The following OPTN variants were observed in gnomAD, a reference collection of about 807,000 sequenced individuals.
The protein encoded by OPTN is E3-14.7K-interacting protein.
OPTN carries 54 observed loss-of-function variants against 70.4 expected under a neutral mutation model. That is an observed-to-expected ratio of 0.77 (90% CI 0.62 to 0.96). The LOEUF (loss-of-function observed/expected upper bound fraction) is 0.96, where lower values mean the gene tolerates loss of function less well. Among genes scored for constraint, OPTN ranks in the 40% least tolerant of loss-of-function variants. The pLI is 0.00. For missense variants in OPTN, 624 were observed against 673.2 expected, an observed-to-expected ratio of 0.93 and a Z score of 0.81; for synonymous variants, 256 against 248.5, an observed-to-expected ratio of 1.03 and a Z score of -0.28.
intron 5 of OPTN, among the ~76,000 whole-genome samples, chr10:13,114,803 C>T (rs373818569): frequency 0.15 from 2,439 of 16,554 alleles, 247 homozygotes; most frequent in African/African-American, 0.24. Context: ...ATTATATATA[C>T]ATATATATAA....
chr10:13,129,081 G>C (rs1270918706), intron 12 of OPTN, among the ~76,000 whole-genome samples: 1 of 152,044 alleles, frequency 6.6e-6, no homozygotes, highest in Non-Finnish European at 1.5e-5. Context: ...TAAAAATTTT[G>C]TTGTCTTACC....
chr10:13,111,543 C>CA (rs1698848034), intron 4 of OPTN, among the ~76,000 whole-genome samples: 1 of 151,534 alleles, frequency 6.6e-6, no homozygotes, highest in Non-Finnish European at 1.5e-5. Context: ...ACTAAAAATA[C>CA]AAAAATTAGC....
At chr10:13,121,862 T>C (rs1412909457) in intron 7 of OPTN, among the ~76,000 whole-genome samples, 1 of 152,230 alleles carries the variant, frequency 6.6e-6, no homozygotes, top group Admixed American at 6.5e-5. Flanking sequence ...ATTGCATGCA[T>C]CTGTTCAACC....
chr10:13,114,779 T>TATATAATTATATAATTATATATACGTAC (rs1564358654), intron 5 of OPTN, among the ~76,000 whole-genome samples: 18 of 100,476 alleles, frequency 1.8e-4, no homozygotes, highest in South Asian at 1.2e-3. Flanking sequence ...ATTATATAAT[T>TATATAATTATATAATTATATATACGTAC]ATATAATTAT....
At chr10:13,119,547 T>C (rs1833296561) in intron 7 of OPTN, among the ~76,000 whole-genome samples, 1 of 152,220 alleles carries the variant, frequency 6.6e-6, no homozygotes, top group South Asian at 2.1e-4. Flanking sequence ...ATATGTGTTT[T>C]TAATTCTCTG....
chr10:13,136,293 A>G (rs1053598361), intron 14 of OPTN, among the ~76,000 whole-genome samples: 1 of 152,130 alleles, frequency 6.6e-6, no homozygotes, highest in Admixed American at 6.6e-5. Flanking sequence ...GCAGATCATG[A>G]GGTCAGGAGT....
intron 12 of OPTN, among the ~76,000 whole-genome samples, chr10:13,128,783 T>C (rs1182178730): frequency 6.6e-6 from 1 of 152,006 alleles, no homozygotes; most frequent in East Asian, 1.9e-4. Context: ...CCTCAGGTGA[T>C]CCACCCACTT....
In OPTN at chr10:13,115,094, T is replaced by G. The variant is rs1441253077; in HGVS notation, c.553-1173T>G. 6.3e-4 allele frequency among the ~76,000 whole-genome samples: 57 copies of G among 90,558 alleles called. 1 individual carries two copies. The highest frequency in any genetic ancestry group is 8.2e-4 in the African/African-American group (17 of 20,784). The allele number at this position is 90,558 out of a possible 152,430, so 59.4% of individuals were successfully genotyped here. On this transcript the variant is annotated intron_variant, in intron 5 of 14. Transcript: ENST00000378747. ...ATTTATATATATAGATATATCTATT[T>G]TATATATTTTTATATATATTATATA...
At chr10:13,120,570 CAAA>C (rs757531804) in intron 7 of OPTN, among the ~76,000 whole-genome samples, 7 of 75,396 alleles carry the variant, frequency 9.3e-5, no homozygotes, top group Admixed American at 1.5e-4. Context: ...GACTCTGTCT[CAAA>C]AAAAAAAAAA....
chr10:13,105,967 C>G (rs763491515), intron 1 of OPTN, among the ~76,000 whole-genome samples: 1 of 151,998 alleles, frequency 6.6e-6, no homozygotes, highest in Non-Finnish European at 1.5e-5. Context: ...AGAAACGTCT[C>G]TCTCTTTTCT....
intron 1 of OPTN, chr10:13,104,537 G>A (rs1832822600): frequency 1.8e-6 from 1 of 542,834 alleles, no homozygotes; most frequent in African/African-American, 1.9e-5. Flanking sequence ...TATGGAGAGA[G>A]GACATGGGTT....
chr10:13,110,221 A>G, intron 3 of OPTN, 53 bp from the exon 4 acceptor site: 1 of 1,602,024 alleles, frequency 6.2e-7, no homozygotes, highest in Non-Finnish European at 8.5e-7. Context: ...TTGGTTCATC[A>G]GATCAAGTCC....
chr10:13,103,524 C>G (rs994176034), intron 1 of OPTN, among the ~76,000 whole-genome samples: 3 of 152,194 alleles, frequency 2.0e-5, no homozygotes, highest in African/African-American at 7.2e-5. Flanking sequence ...ACAGTGCCTG[C>G]TAAGGTCACT....
chr10:13,136,074 C>T (rs1833692279), intron 14 of OPTN, among the ~76,000 whole-genome samples: 1 of 152,068 alleles, frequency 6.6e-6, no homozygotes, highest in Non-Finnish European at 1.5e-5. Flanking sequence ...GTAGTCGCAG[C>T]TATTCAGGAG....
At chr10:13,104,610 C>T in intron 1 of OPTN, 1 of 674,244 alleles carries the variant, frequency 1.5e-6, no homozygotes, top group Non-Finnish European at 2.8e-6. Context: ...ATACTGTTTC[C>T]TCGTATTACC....
intron 5 of OPTN, among the ~76,000 whole-genome samples, chr10:13,115,444 A>C (rs1255377716): frequency 9.8e-6 from 1 of 102,228 alleles, no homozygotes; most frequent in African/African-American, 4.6e-5. Context: ...GAATATATAT[A>C]ATATATTCTA....
chr10:13,121,500 TAAAAAAAAAAA>T (rs200687404), intron 7 of OPTN, among the ~76,000 whole-genome samples: 96 of 90,870 alleles, frequency 1.1e-3, no homozygotes, highest in Middle Eastern at 0.011. Context: ...GATTATCCTG[TAAAAAAAAAAA>T]AAAAAAAAAA....
intron 5 of OPTN, among the ~76,000 whole-genome samples, chr10:13,114,444 C>T (rs994215762): frequency 2.0e-5 from 3 of 151,988 alleles, no homozygotes; most frequent in Non-Finnish European, 2.9e-5. Flanking sequence ...GGAAACCCAA[C>T]AGCATATGAG....
chr10:13,115,365 T>A (rs1401052040), intron 5 of OPTN, among the ~76,000 whole-genome samples: 2 of 104,936 alleles, frequency 1.9e-5, no homozygotes, highest in African/African-American at 7.7e-5. Context: ...ATAATATATA[T>A]ACACTTATAT....
Sources: allele counts gnomAD v4.1 joint callset (sites outside exome capture counted in the v4.1 genomes callset), GRCh38; gene constraint gnomAD v4.1.1; transcripts MANE v1.5; gene names NCBI Gene and HGNC (gene_info 2026-07-23, HGNC 2026-07-21).